The following IL1RAPL1 variants were observed in gnomAD, a reference collection of about 807,000 sequenced individuals.
IL1RAPL1 encodes the protein interleukin-1 receptor accessory protein-like 1.
Under a neutral mutation model 48.4 loss-of-function variants are expected in IL1RAPL1, and 3 were observed. The ratio of observed to expected loss-of-function variants is 0.06; its 90% CI spans 0.03 to 0.16. The LOEUF is 0.16. Ranked by LOEUF, IL1RAPL1 falls within the 10% of genes least tolerant of loss-of-function variation. The pLI is 1.00. For missense variants in IL1RAPL1, 349 were observed against 530.6 expected, an observed-to-expected ratio of 0.66 and a Z score of 3.36; for synonymous variants, 185 against 187.7, an observed-to-expected ratio of 0.99 and a Z score of 0.12.
At chrX:28,962,173 A>G (rs1924796119) in intron 2 of IL1RAPL1, among the ~76,000 whole-genome samples, 1 of 112,095 alleles carries the variant, frequency 8.9e-6, no homozygotes, top group Non-Finnish European at 1.9e-5. Context: ...TTTGGAAGAA[A>G]AATTATCAGA....
intron 6 of IL1RAPL1, among the ~76,000 whole-genome samples, chrX:29,893,673 C>T (rs1441448880): frequency 9.0e-6 from 1 of 111,524 alleles, no homozygotes; most frequent in Non-Finnish European, 1.9e-5. Flanking sequence ...GATATACAAA[C>T]AGAAACATTT....
intron 1 of IL1RAPL1, among the ~76,000 whole-genome samples, chrX:28,713,738 C>T (rs1336829320): frequency 9.0e-6 from 1 of 111,232 alleles, no homozygotes; most frequent in Non-Finnish European, 1.9e-5. Context: ...TGCATCAGGA[C>T]CTGGAGGACA....
chrX:28,980,934 A>T (rs1266160755), intron 2 of IL1RAPL1, among the ~76,000 whole-genome samples: 2 of 105,167 alleles, frequency 1.9e-5, no homozygotes. Flanking sequence ...ACTAAAAATT[A>T]AAAAAAATTA....
At chrX:29,265,244 C>T (rs1194779495) in intron 2 of IL1RAPL1, among the ~76,000 whole-genome samples, 2 of 109,017 alleles carry the variant, frequency 1.8e-5, no homozygotes, top group African/African-American at 6.7e-5. Flanking sequence ...AAGGATCTAC[C>T]TTTAACTTAT....
intron 2 of IL1RAPL1, among the ~76,000 whole-genome samples, chrX:29,231,636 G>T (rs1354090330): frequency 9.0e-6 from 1 of 111,564 alleles, no homozygotes; most frequent in African/African-American, 3.3e-5. Flanking sequence ...CAAACTTTGT[G>T]CATAAAGTTG....
intron 5 of IL1RAPL1, among the ~76,000 whole-genome samples, chrX:29,454,636 A>T (rs567210494): frequency 1.8e-5 from 2 of 111,596 alleles, no homozygotes; most frequent in Middle Eastern, 9.2e-3. Context: ...AATCAAGAGG[A>T]AAAAATTCTG....
chrX:29,908,409 T>A (rs184055824), intron 6 of IL1RAPL1, among the ~76,000 whole-genome samples: 3,202 of 108,714 alleles, frequency 0.029, 55 homozygotes, highest in Admixed American at 0.076. Context: ...CAAACTTTTT[T>A]AATAATTTTA....
At chrX:29,909,228 A>G (rs1292783279) in intron 6 of IL1RAPL1, among the ~76,000 whole-genome samples, 10 of 110,774 alleles carry the variant, frequency 9.0e-5, no homozygotes, top group Non-Finnish European at 1.7e-4. Context: ...ATAAAATAAA[A>G]AATTAGCTAG....
At chrX:29,836,218 G>C (rs1400863924) in intron 6 of IL1RAPL1, among the ~76,000 whole-genome samples, 1 of 98,409 alleles carries the variant, frequency 1.0e-5, no homozygotes, top group Admixed American at 1.2e-4. Context: ...CTGAGACGGA[G>C]TCTCACTTTG....
intron 1 of IL1RAPL1, among the ~76,000 whole-genome samples, chrX:28,754,186 A>AC (rs1936081165): frequency 9.0e-6 from 1 of 110,893 alleles, no homozygotes; most frequent in African/African-American, 3.3e-5. Context: ...TACTTCTCTC[A>AC]CTTGCTCTTT....
chrX:29,341,632 A>G (rs1362968074), intron 3 of IL1RAPL1, among the ~76,000 whole-genome samples: 1 of 111,472 alleles, frequency 9.0e-6, no homozygotes, highest in Non-Finnish European at 1.9e-5. Context: ...ATTTTGGTAG[A>G]AGGAACATTT....
intron 2 of IL1RAPL1, among the ~76,000 whole-genome samples, chrX:28,846,678 A>C (rs1921517831): frequency 8.9e-6 from 1 of 112,254 alleles, no homozygotes; most frequent in Non-Finnish European, 1.9e-5. Context: ...CACAAAAATC[A>C]TATAGCATTG....
chrX:29,510,736 A>G (rs1378532571), intron 5 of IL1RAPL1, among the ~76,000 whole-genome samples: 1 of 111,526 alleles, frequency 9.0e-6, no homozygotes, highest in African/African-American at 3.3e-5. Context: ...ACCCTCCAAT[A>G]CAAACACTTT....
chrX:29,245,631 T>C (rs763210433), intron 2 of IL1RAPL1, among the ~76,000 whole-genome samples: 1 of 112,311 alleles, frequency 8.9e-6, no homozygotes, highest in Non-Finnish European at 1.9e-5. Flanking sequence ...TTGTTTGTTT[T>C]TCTCTTGTAA....
At chrX:28,720,446 T>C (rs752294369) in intron 1 of IL1RAPL1, among the ~76,000 whole-genome samples, 34 of 112,144 alleles carry the variant, frequency 3.0e-4, no homozygotes, top group Non-Finnish European at 3.6e-4. Context: ...AATTTAGTAA[T>C]ATCTTTCAGT....
intron 2 of IL1RAPL1, among the ~76,000 whole-genome samples, chrX:29,109,055 A>G (rs1036904218): frequency 2.7e-5 from 3 of 111,671 alleles, no homozygotes; most frequent in Non-Finnish European, 3.8e-5. Flanking sequence ...CATGTATACA[A>G]TGAATTGCAT....
intron 6 of IL1RAPL1, among the ~76,000 whole-genome samples, chrX:29,803,569 GTATA>G (rs1287743814): frequency 1.0e-5 from 1 of 98,885 alleles, no homozygotes; most frequent in African/African-American, 3.7e-5. Context: ...ATGTATATAT[GTATA>G]CATATATGTA....
intron 1 of IL1RAPL1, among the ~76,000 whole-genome samples, chrX:28,721,416 CCTT>C (rs1227819817): frequency 1.8e-5 from 2 of 111,599 alleles, no homozygotes; most frequent in Non-Finnish European, 3.8e-5. Flanking sequence ...CTGTTCATAT[CCTT>C]CGCCCACTTT....
chrX:29,323,730 TA>T (rs1932822573), intron 3 of IL1RAPL1, among the ~76,000 whole-genome samples: 1 of 5,205 alleles, frequency 1.9e-4, no homozygotes, highest in Admixed American at 2.1e-3. Context: ...TATATATATA[TA>T]TATATATATA....
Sources: gnomAD v4.1 joint callset for allele counts (sites outside exome capture counted in the v4.1 genomes callset) on GRCh38, gnomAD v4.1.1 for gene constraint, MANE v1.5 for transcripts, NCBI Gene and HGNC (gene_info 2026-07-23, HGNC 2026-07-21) for gene names.